PHACTR2: variants seen among roughly 807,000 people sequenced by gnomAD.
PHACTR2 encodes the protein chromosome 6 open reading frame 56.
PHACTR2 carries 30 observed loss-of-function variants against 76.0 expected under a neutral mutation model. The observed-to-expected ratio is 0.39, with a 90% confidence interval of 0.30 to 0.54. The LOEUF (loss-of-function observed/expected upper bound fraction) is 0.54, where lower values mean the gene tolerates loss of function less well. Ranked by LOEUF, PHACTR2 falls within the 20% of genes least tolerant of loss-of-function variation. PHACTR2 has a pLI of 0.61. For synonymous variants in PHACTR2, 292 were observed against 292.5 expected (o/e 1.00, Z 0.02); for missense variants, 696 against 781.1 (o/e 0.89, Z 1.30).
Position 143,595,145 on chromosome 6 carries a change from A to G in PHACTR2, c.217+57938A>G, listed in dbSNP as rs1342461070. ...TAGACACCTTCATAAGGTGTGACGC[A>G]TTTGATGCAAAATATAGATGGACGA... is the stretch of plus-strand genomic sequence containing the variant. On this transcript the variant is annotated intron_variant, in intron 1 of 11. Coordinates refer to the PHACTR2 transcript ENST00000367584. This position sits in a 1 kb window ranked among gnomAD's most constrained non-coding sequence, Gnocchi z 4.2. Among the ~76,000 whole-genome samples, 2 of 152,206 alleles carry G rather than the reference A, an allele frequency of 1.3e-5. No individual in the cohort carries two copies. Among genetic ancestry groups the G allele is most frequent in the Non-Finnish European group, 1.5e-5 (1 of 68,036 alleles).
At chr6:143,615,612 T>A (rs1562248739) in intron 1 of PHACTR2, among the ~76,000 whole-genome samples, 2 of 151,836 alleles carry the variant, frequency 1.3e-5, no homozygotes, top group African/African-American at 4.9e-5. Context: ...ATGAAATCTG[T>A]TACCATTGTA....
At chr6:143,577,481 T>C (rs1775527866) in intron 1 of PHACTR2, among the ~76,000 whole-genome samples, 1 of 151,992 alleles carries the variant, frequency 6.6e-6, no homozygotes, top group Non-Finnish European at 1.5e-5. Flanking sequence ...GATTTTGACT[T>C]AGCAAAAAAA....
chr6:143,595,326 A>G lies in PHACTR2; in HGVS notation c.217+58119A>G, dbSNP rs1192172625. Among the ~76,000 whole-genome samples the G allele has an allele frequency of 6.6e-6, 1 of 152,224 alleles. No individual in the cohort carries two copies. The highest frequency in any genetic ancestry group is 1.5e-5 in the Non-Finnish European group (1 of 68,026). On this transcript the variant is annotated intron_variant, in intron 1 of 11. Coordinates refer to the PHACTR2 transcript ENST00000367584. The surrounding 1 kb of genome is among the most constrained non-coding windows in gnomAD (Gnocchi z 4.2). ...TGATTTTCTAGCTTTTTAACAGTAA[A>G]GGTAACTTTATTTCCAGCATTCGAC... is the stretch of plus-strand genomic sequence containing the variant.
chr6:143,593,377 G>GA (rs1437151754), intron 1 of PHACTR2, among the ~76,000 whole-genome samples: 2 of 152,064 alleles, frequency 1.3e-5, no homozygotes, highest in Non-Finnish European at 2.9e-5. Context: ...ATACTTTCTA[G>GA]AAAAAAGGTA....
chr6:143,768,774 A>T (rs1379399432), intron 6 of PHACTR2, among the ~76,000 whole-genome samples: 38 of 152,224 alleles, frequency 2.5e-4, no homozygotes, highest in Non-Finnish European at 4.4e-5. Flanking sequence ...CATTGAGGCT[A>T]TTTATAATAG....
In PHACTR2 at chr6:143,671,966, T is replaced by TA. The variant is rs957848376; in HGVS notation, c.14-40042dup. Among the ~76,000 whole-genome samples the TA allele has an allele frequency of 7.5e-5, 11 of 146,746 alleles. No individual in the cohort carries two copies. The highest frequency in any genetic ancestry group is 1.7e-4 in the African/African-American group (7 of 41,214). The stretch of plus-strand genomic sequence containing the variant: ...CAAAAACATATGAAACAAGCCAGAT[T>TA]AAAAAAAACTGTACATAATATTATT... On this transcript the variant is annotated intron_variant, in intron 1 of 11. Coordinates refer to the PHACTR2 transcript ENST00000305766. The surrounding 1 kb of genome is among the most constrained non-coding windows in gnomAD (Gnocchi z 4.6).
In PHACTR2 at chr6:143,671,500, A is replaced by C. The variant is rs967952293; in HGVS notation, c.14-40516A>C. Among the ~76,000 whole-genome samples, 3 of 152,214 alleles carry C rather than the reference A, an allele frequency of 2.0e-5. No individual in the cohort carries two copies. Among genetic ancestry groups the C allele is most frequent in the African/African-American group, 7.2e-5 (3 of 41,464 alleles). Reference sequence around the variant, plus strand: ...AACTGTGAACACCACATGCCAGTCCAATCTCTCTTACTCTTCTGAATTTCA... The same window carrying C: ...AACTGTGAACACCACATGCCAGTCCCATCTCTCTTACTCTTCTGAATTTCA... On this transcript the variant is annotated intron_variant, in intron 1 of 11. Coordinates refer to the PHACTR2 transcript ENST00000305766. The surrounding 1 kb of genome is among the most constrained non-coding windows in gnomAD (Gnocchi z 4.6).
At chr6:143,707,737 C>T (rs555262457) in intron 1 of PHACTR2, among the ~76,000 whole-genome samples, 3 of 152,212 alleles carry the variant, frequency 2.0e-5, no homozygotes, top group East Asian at 1.9e-4. Context: ...AGTCTGTTCT[C>T]GCACTGCTGT....
rs1775763277 is a variant in PHACTR2, at chr6:143,597,101, A to G, written c.217+59894A>G. ...CTGGATCTTTCTACACTTGGCATGT[A>G]TTTTCCCCTCTGTGTTCTCACGCTC... On this transcript the variant is annotated intron_variant, in intron 1 of 11. Transcript: ENST00000367584. The surrounding 1 kb of genome is among the most constrained non-coding windows in gnomAD (Gnocchi z 5.7). Among the ~76,000 whole-genome samples, 1 of 152,092 alleles carries G rather than the reference A, an allele frequency of 6.6e-6. No individual in the cohort carries two copies. The highest frequency in any genetic ancestry group is 6.5e-5 in the Admixed American group (1 of 15,274).
intron 2 of PHACTR2, among the ~76,000 whole-genome samples, chr6:143,729,593 T>A (rs1351630453): frequency 6.6e-6 from 1 of 152,174 alleles, no homozygotes; most frequent in African/African-American, 2.4e-5. Context: ...GAAAAGATCA[T>A]CCTTTTTCTA....
In PHACTR2 at chr6:143,547,372, C is replaced by T. The variant is rs912114699; in HGVS notation, c.217+10165C>T. On this transcript the variant is annotated intron_variant, in intron 1 of 11. Transcript: ENST00000367584. The surrounding 1 kb of genome is among the most constrained non-coding windows in gnomAD (Gnocchi z 4.2). ...ATAGTAGGAATACATTTATTGTCTC[C>T]CAGCATGATTATTTTGGTGGGAATA... Among the ~76,000 whole-genome samples the T allele has an allele frequency of 1.3e-5, 2 of 152,124 alleles. No homozygotes were observed. Among genetic ancestry groups the T allele is most frequent in the South Asian group, 2.1e-4 (1 of 4,822 alleles).
intron 1 of PHACTR2, among the ~76,000 whole-genome samples, chr6:143,704,390 T>C (rs2128459230): frequency 6.6e-6 from 1 of 152,242 alleles, no homozygotes; most frequent in Middle Eastern, 3.4e-3. Context: ...GTATATTACT[T>C]TCCAAAACTC....
In PHACTR2 at chr6:143,696,362, G is replaced by A. The variant is rs1777769659; in HGVS notation, c.47-15654G>A. Among the ~76,000 whole-genome samples the A allele has an allele frequency of 6.6e-6, 1 of 152,074 alleles. No individual in the cohort carries two copies. The highest frequency in any genetic ancestry group is 2.1e-4 in the South Asian group (1 of 4,818). ...TTTCCTGGAGACCTCTAGAAGACCAGGAAAATATTTTTCCAAGAAATTTTG... is the reference window on the plus strand; with the variant it reads ...TTTCCTGGAGACCTCTAGAAGACCAAGAAAATATTTTTCCAAGAAATTTTG... On this transcript the variant is annotated intron_variant, in intron 1 of 12. Transcript: ENST00000440869. The surrounding 1 kb of genome is among the most constrained non-coding windows in gnomAD (Gnocchi z 4.1).
At chr6:143,727,668 G>A (rs967435882) in intron 2 of PHACTR2, among the ~76,000 whole-genome samples, 1 of 120,500 alleles carries the variant, frequency 8.3e-6, no homozygotes, top group African/African-American at 4.2e-5. Context: ...ACTGAAGTAA[G>A]ATATATCATT....
rs1776522051 is a variant in PHACTR2 at position 143,639,213 on chromosome 6, G to A, written c.13+30891G>A. On this transcript the variant is annotated intron_variant, in intron 1 of 11. Transcript: ENST00000305766. This position sits in a 1 kb window ranked among gnomAD's most constrained non-coding sequence, Gnocchi z 5.0. ...TGACATGCTTCATAAAATGACAATTGCTGCAAAGTACCTGAAGTACAGTCT... is the reference window on the plus strand; with the variant it reads ...TGACATGCTTCATAAAATGACAATTACTGCAAAGTACCTGAAGTACAGTCT... Among the ~76,000 whole-genome samples, 1 of 152,140 alleles carries A rather than the reference G, an allele frequency of 6.6e-6. No individual in the cohort carries two copies. Among genetic ancestry groups the A allele is most frequent in the Non-Finnish European group, 1.5e-5 (1 of 68,026 alleles).
In PHACTR2 at chr6:143,596,622, T is replaced by G. The variant is rs896089724; in HGVS notation, c.217+59415T>G. Among the ~76,000 whole-genome samples, 1 of 152,116 alleles carries G rather than the reference T, an allele frequency of 6.6e-6. No individual in the cohort carries two copies. Among genetic ancestry groups the G allele is most frequent in the Non-Finnish European group, 1.5e-5 (1 of 68,022 alleles). On this transcript the variant is annotated intron_variant, in intron 1 of 11. Coordinates refer to the PHACTR2 transcript ENST00000367584. This position sits in a 1 kb window ranked among gnomAD's most constrained non-coding sequence, Gnocchi z 4.6. ...GGGATGCCAAGGTGGGAGGATCACA[T>G]GAGCCTAGTAGTTTGAGATCAGCCT...
Position 143,765,462 on chromosome 6 carries a change from C to T in PHACTR2, c.896C>T (p.Thr299Ile), listed in dbSNP as rs774685298. The stretch of plus-strand genomic sequence containing the variant: ...TCCTCAGACACAACAACTTCTGGCA[C>T]ATCCGACCTGAAAGGAGAGCCTGCA... Reference protein sequence around the residue: ...HLSSDTTTSGTSDLKGEPAET... With the variant: ...HLSSDTTTSGISDLKGEPAET... Residue 299 changes from threonine (T) to isoleucine (I), a missense_variant, in exon 6 of 13, where the codon ACA becomes ATA. By Grantham distance (89) the Thr-to-Ile change is moderately conservative. This residue lies in a region of PHACTR2 where 460 missense variants were observed against 450.9 expected (regional missense o/e 1.02). Coordinates refer to ENST00000440869, the MANE Select transcript of PHACTR2 (RefSeq NM_001100164.2). This position sits in a 1 kb window ranked among gnomAD's most constrained non-coding sequence, Gnocchi z 4.1. 65 of 1,614,214 alleles carry T rather than the reference C, an allele frequency of 4.0e-5. No individual in the cohort carries two copies. Among genetic ancestry groups the T allele is most frequent in the Non-Finnish European group, 5.4e-5 (64 of 1,180,034 alleles).
Position 143,743,120 on chromosome 6 carries a change from C to T in PHACTR2, c.215-5865C>T, listed in dbSNP as rs941626729. On this transcript the variant is annotated intron_variant, in intron 2 of 12. Transcript: ENST00000440869. This position sits in a 1 kb window ranked among gnomAD's most constrained non-coding sequence, Gnocchi z 5.0. ...CTAGCCCATCAGGATAGTGAGATCT[C>T]CATGCAGAGCTACTGTGTGAAGAGA... is the stretch of plus-strand genomic sequence containing the variant. Among the ~76,000 whole-genome samples, 5 of 152,230 alleles carry T rather than the reference C, an allele frequency of 3.3e-5. No individual in the cohort carries two copies. The highest frequency in any genetic ancestry group is 9.6e-5 in the African/African-American group (4 of 41,522).
chr6:143,577,063 T>A (rs12191837), intron 1 of PHACTR2, among the ~76,000 whole-genome samples: 1 of 151,516 alleles, frequency 6.6e-6, no homozygotes, highest in African/African-American at 2.4e-5. Context: ...TGGGGGTTGT[T>A]ATTTACCCTT....
Sources: gnomAD v4.1 joint callset for allele counts (sites outside exome capture counted in the v4.1 genomes callset) on GRCh38, gnomAD v4.1.1 for gene constraint, gnomAD v4.1.1 regional missense constraint, Gnocchi (gnomAD v3.1) non-coding constraint, MANE v1.5 for transcripts, NCBI Gene and HGNC (gene_info 2026-07-23, HGNC 2026-07-21) for gene names.